NCOA2: variants seen among roughly 807,000 people sequenced by gnomAD.
The protein encoded by NCOA2 is class E basic helix-loop-helix protein 75.
NCOA2 carries 21 observed loss-of-function variants against 145.1 expected under a neutral mutation model. That is an observed-to-expected ratio of 0.14 (90% confidence interval 0.10 to 0.21). NCOA2 has a LOEUF of 0.21. Among genes scored for constraint, NCOA2 ranks in the 10% least tolerant of loss-of-function variants. The probability of loss-of-function intolerance (pLI) is 1.00; values close to 1 mark genes in which losing one functional copy is unlikely to be tolerated. For missense variants in NCOA2, 1,472 were observed against 1,837.6 expected (o/e 0.80, Z 3.64); for synonymous variants, 619 against 637.5 (o/e 0.97, Z 0.44).
intron 2 of NCOA2, among the ~76,000 whole-genome samples, chr8:70,263,872 G>A (rs549691239): frequency 1.3e-5 from 2 of 152,122 alleles, no homozygotes; most frequent in African/African-American, 2.4e-5. Flanking sequence ...AAACTGAATA[G>A]TGAAATACCA....
At chr8:70,357,742 CA>C (rs372749781) in intron 1 of NCOA2, among the ~76,000 whole-genome samples, 6 of 147,438 alleles carry the variant, frequency 4.1e-5, no homozygotes, top group Non-Finnish European at 9.0e-5. Flanking sequence ...GACTCCATCT[CA>C]AAAAAAAAGC....
At chr8:70,212,648 G>C (rs1391920531) in intron 4 of NCOA2, among the ~76,000 whole-genome samples, 1 of 152,136 alleles carries the variant, frequency 6.6e-6, no homozygotes, top group Non-Finnish European at 1.5e-5. Context: ...AGGTAGCTAG[G>C]ATTTGTGACA....
rs1293026761 is a variant in NCOA2 at position 70,156,776 on chromosome 8, G to A, written c.1589C>T (p.Thr530Ile). ...CTGAAGTGCATTGAGGGAGCTGTTG[G>A]TATAACTATGGCTATTTCCTGTGCT... ...CSSTGNSHSY[T>I]NSSLNALQAL... Residue 530 changes from threonine to isoleucine, a missense_variant, in exon 11 of 23, where the codon ACC (threonine) becomes ATC (isoleucine). Thr to Ile is a moderately conservative substitution (Grantham distance 89, BLOSUM62 -1). Around this residue, in one of 4 missense-constraint regions of NCOA2, gnomAD observed 953 missense variants for 1,062.1 expected, o/e 0.90. Transcript: ENST00000452400. 1.2e-6 allele frequency: 2 copies of A among 1,613,996 alleles called. No individual in the cohort carries two copies. The highest frequency in any genetic ancestry group is 4.5e-5 in the East Asian group (2 of 44,880).
intron 1 of NCOA2, among the ~76,000 whole-genome samples, chr8:70,328,983 TCA>T (rs112454602): frequency 7.2e-5 from 11 of 152,102 alleles, no homozygotes; most frequent in Non-Finnish European, 1.6e-4. Flanking sequence ...AGACAGGATC[TCA>T]CACTCTGTCA....
At chr8:70,147,115 C>T (rs866830361) in intron 12 of NCOA2, among the ~76,000 whole-genome samples, 37 of 120,920 alleles carry the variant, frequency 3.1e-4, no homozygotes, top group African/African-American at 7.1e-4. Context: ...ATCTTTCGCG[C>T]GCGCGCGCGC....
Position 70,388,339 on chromosome 8 carries a change from G to A in NCOA2, c.-77+15361C>T, listed in dbSNP as rs367872491. On this transcript the variant is annotated intron_variant, in intron 1 of 22. Coordinates refer to ENST00000452400, the MANE Select transcript of NCOA2 (RefSeq NM_006540.4). ...ATAGAAACATACTATAATATTTTCT[G>A]TCTTCATCCTATGCATAGGCCTCTT... Among the ~76,000 whole-genome samples the A allele has an allele frequency of 6.6e-5, 10 of 152,258 alleles. No homozygotes were observed. The South Asian group carries it at 1.7e-3, about 25-fold the overall frequency.
intron 1 of NCOA2, among the ~76,000 whole-genome samples, chr8:70,375,869 C>T (rs1410552202): frequency 1.3e-5 from 2 of 152,148 alleles, no homozygotes; most frequent in Non-Finnish European, 2.9e-5. Flanking sequence ...AAAAAGATAG[C>T]ACTGCTGAAT....
intron 11 of NCOA2, 86 bp from the exon 12 acceptor site, chr8:70,148,569 A>G (rs1197001488): frequency 3.0e-5 from 36 of 1,205,806 alleles, no homozygotes; most frequent in Non-Finnish European, 3.6e-5. Context: ...CCTAACTGCC[A>G]TAAGGCACCA....
At chr8:70,171,704 C>T (rs2132668052) in intron 5 of NCOA2, among the ~76,000 whole-genome samples, 1 of 152,306 alleles carries the variant, frequency 6.6e-6, no homozygotes, top group Admixed American at 6.5e-5. Context: ...TGCTCTCCGC[C>T]CAGCCTGGAG....
At chr8:70,343,424 C>G (rs752267609) in intron 1 of NCOA2, among the ~76,000 whole-genome samples, 1 of 151,548 alleles carries the variant, frequency 6.6e-6, no homozygotes, top group South Asian at 2.1e-4. Context: ...AATGGGTGAC[C>G]AACTTGAAAT....
chr8:70,187,346 G>A (rs1253351585), intron 4 of NCOA2, among the ~76,000 whole-genome samples: 1 of 152,136 alleles, frequency 6.6e-6, no homozygotes, highest in Admixed American at 6.6e-5. Flanking sequence ...TAATTCTGCA[G>A]CAAATTTTGT....
intron 4 of NCOA2, among the ~76,000 whole-genome samples, 194 bp downstream of exon 4, chr8:70,213,709 A>G (rs1055019622): frequency 3.3e-5 from 5 of 152,174 alleles, no homozygotes; most frequent in African/African-American, 7.2e-5. Context: ...TCTTTAGGGT[A>G]TGGCTGAATT....
intron 15 of NCOA2, among the ~76,000 whole-genome samples, chr8:70,135,761 AACAC>A (rs1276697075): frequency 1.3e-5 from 2 of 152,200 alleles, no homozygotes; most frequent in Non-Finnish European, 2.9e-5. Flanking sequence ...TAAAGGGAAA[AACAC>A]ACACAGGCCC....
chr8:70,258,561 T>A (rs954311065), intron 2 of NCOA2, among the ~76,000 whole-genome samples: 5 of 152,200 alleles, frequency 3.3e-5, no homozygotes, highest in African/African-American at 1.2e-4. Flanking sequence ...TCTCTCAATC[T>A]TCAAATCCAA....
chr8:70,167,467 G>A (rs1813745003), intron 6 of NCOA2, among the ~76,000 whole-genome samples: 1 of 152,180 alleles, frequency 6.6e-6, no homozygotes, highest in Non-Finnish European at 1.5e-5. Context: ...CTCTAAGGCT[G>A]AGGTCCTCTA....
Position 70,159,672 on chromosome 8 carries a change from C to A in NCOA2, c.977-20G>T. On this transcript the variant is annotated intron_variant, in intron 9 of 22. Transcript: ENST00000452400. ...TCAGTACTGCAGGCAAGCAAGGAAA[C>A]AGAAGGCACGTTTAGAAAAAAAAAT... 6.3e-7 allele frequency: 1 copy of A among 1,594,094 alleles called. No homozygotes were observed. The highest frequency in any genetic ancestry group is 8.6e-7 in the Non-Finnish European group (1 of 1,165,366).
chr8:70,440,585 C>A, the NCOA2 span, among the ~76,000 whole-genome samples: 1 of 147,418 alleles, frequency 6.8e-6, no homozygotes, highest in Non-Finnish European at 1.5e-5. Flanking sequence ...GAGAGAGAGA[C>A]TGAGACAAGG....
intron 1 of NCOA2, among the ~76,000 whole-genome samples, chr8:70,327,876 G>A (rs1806739020): frequency 6.6e-6 from 1 of 152,246 alleles, no homozygotes; most frequent in East Asian, 1.9e-4. Flanking sequence ...CCACTCCTTT[G>A]GGAAGCAGCA....
chr8:70,440,321 T>C, the NCOA2 span, among the ~76,000 whole-genome samples: 10 of 152,014 alleles, frequency 6.6e-5, no homozygotes, highest in Admixed American at 6.5e-4. Flanking sequence ...TAATCTCAGC[T>C]AGCAGTGGTG....
Sources: allele counts gnomAD v4.1 joint callset (sites outside exome capture counted in the v4.1 genomes callset), GRCh38; gene constraint gnomAD v4.1.1; regional missense constraint gnomAD v4.1.1; transcripts MANE v1.5; gene names NCBI Gene and HGNC (gene_info 2026-07-23, HGNC 2026-07-21).